Variants in ROBO2 observed in about 807,000 individuals in gnomAD.
The protein encoded by ROBO2 is roundabout guidance receptor 2, also known as roundabout homolog 2.
ROBO2 carries 53 observed loss-of-function variants against 160.8 expected under a neutral mutation model. The observed-to-expected ratio is 0.33, with a 90% CI of 0.26 to 0.41. The LOEUF is 0.41. Ranked by LOEUF, ROBO2 falls within the 10% of genes least tolerant of loss-of-function variation. ROBO2 has a pLI of 1.00. For synonymous variants in ROBO2, 664 were observed against 611.7 expected, an observed-to-expected ratio of 1.09 and a Z score of -1.26; for missense variants, 1,577 against 1,722.4, an observed-to-expected ratio of 0.92 and a Z score of 1.49.
At chr3:76,895,534 A>G (rs967626648) in intron 2 of ROBO2, among the ~76,000 whole-genome samples, 8 of 152,114 alleles carry the variant, frequency 5.3e-5, no homozygotes, top group African/African-American at 1.7e-4. Flanking sequence ...TGAAGTCTAT[A>G]TGATTAGAAC....
At chr3:76,783,601 T>C (rs367732536) in intron 2 of ROBO2, among the ~76,000 whole-genome samples, 1 of 150,722 alleles carries the variant, frequency 6.6e-6, no homozygotes, top group Admixed American at 6.6e-5. Context: ...ACTGATAGTC[T>C]TATGAAGATT....
intron 2 of ROBO2, among the ~76,000 whole-genome samples, chr3:76,571,963 T>C (rs2084984254): frequency 6.6e-6 from 1 of 152,162 alleles, no homozygotes; most frequent in Non-Finnish European, 1.5e-5. Flanking sequence ...ATATCATTGA[T>C]GTATTCTGAA....
chr3:77,042,901 G>C (rs2064237396), intron 1 of ROBO2, among the ~76,000 whole-genome samples: 1 of 152,176 alleles, frequency 6.6e-6, no homozygotes, highest in East Asian at 1.9e-4. Flanking sequence ...TGCCAAAATT[G>C]AGGAGTTGAC....
rs147517661 is a variant in ROBO2, at chr3:76,996,389, G to A, written c.110-101625G>A. Reference sequence around the variant, plus strand: ...ATTGTTTGAAGTCAGGTAGCTTGATGCCTCCAGCTTTGTTCTTTTGGCTTA... The same window carrying A: ...ATTGTTTGAAGTCAGGTAGCTTGATACCTCCAGCTTTGTTCTTTTGGCTTA... On this transcript the variant is annotated intron_variant, in intron 2 of 26. Transcript: ENST00000487694. 8.7e-3 allele frequency among the ~76,000 whole-genome samples: 1,324 copies of A among 152,244 alleles called. 20 individuals carry two copies. Among genetic ancestry groups the A allele is most frequent in the African/African-American group, 0.029 (1,218 of 41,538 alleles).
chr3:76,970,522 A>G (rs374996308), intron 2 of ROBO2, among the ~76,000 whole-genome samples: 1 of 152,148 alleles, frequency 6.6e-6, no homozygotes, highest in African/African-American at 2.4e-5. Context: ...CTAGGTGACA[A>G]GCATTTGCCG....
At chr3:77,622,499 T>G (rs1422716868) in intron 23 of ROBO2, 67 bp downstream of exon 24, 6 of 1,266,658 alleles carry the variant, frequency 4.7e-6, no homozygotes, top group Non-Finnish European at 6.8e-6. Flanking sequence ...AAAAGTCAAC[T>G]ACTTCCTTAT....
chr3:76,240,661 A>C (rs183628133), intron 2 of ROBO2, among the ~76,000 whole-genome samples: 49 of 152,214 alleles, frequency 3.2e-4, no homozygotes, highest in African/African-American at 1.2e-3. Context: ...AAAACAGTAA[A>C]TTTCCTGTGG....
chr3:76,194,583 C>T (rs369247231), intron 2 of ROBO2, among the ~76,000 whole-genome samples: 10 of 151,202 alleles, frequency 6.6e-5, no homozygotes, highest in Admixed American at 1.3e-4. Context: ...AAGTTAATAC[C>T]GGAAGGACTG....
At position 77,632,518 on chromosome 3, in the gene ROBO2, A is replaced by G; in HGVS notation, c.3761-2352A>G. On this transcript the variant is annotated intron_variant, in intron 23 of 25. Coordinates refer to ENST00000461745, the Ensembl canonical transcript of ROBO2. ...GGGCTCTGCATCTGATGAGGATCGT[A>G]ACTTTTCTAGTCATAGATCTAGTGT... 3.3e-6 allele frequency: 5 copies of G among 1,535,606 alleles called. No homozygotes were observed. In the South Asian group the frequency reaches 5.9e-5, roughly 18 times the overall value.
intron 2 of ROBO2, among the ~76,000 whole-genome samples, chr3:77,287,676 A>G (rs542066198): frequency 1.6e-4 from 24 of 152,310 alleles, no homozygotes; most frequent in Admixed American, 1.2e-3. Context: ...AGTTTCTCAT[A>G]GATTCTGTTG....
At chr3:76,889,247 A>G (rs2074154890) in intron 2 of ROBO2, among the ~76,000 whole-genome samples, 1 of 152,210 alleles carries the variant, frequency 6.6e-6, no homozygotes, top group African/African-American at 2.4e-5. Context: ...CTGATTTTTA[A>G]GTCTTGGCAT....
rs553778335 is a variant in ROBO2, at chr3:76,273,669, T to C, written c.109+336067T>C. On this transcript the variant is annotated intron_variant, in intron 2 of 26. Coordinates refer to the ROBO2 transcript ENST00000487694. ...ACTCACGATCATGAGAACTCACTCA[T>C]CATCATGAGAACTCACTCACCATCA... 3.3e-5 allele frequency among the ~76,000 whole-genome samples: 5 copies of C among 152,058 alleles called. No individual in the cohort carries two copies. In the South Asian group the frequency reaches 6.2e-4, roughly 19 times the overall value.
intron 5 of ROBO2, among the ~76,000 whole-genome samples, chr3:77,502,122 C>A (rs1403640175): frequency 6.6e-6 from 1 of 152,044 alleles, no homozygotes; most frequent in Non-Finnish European, 1.5e-5. Flanking sequence ...GGTAAATATG[C>A]CAACATCACT....
chr3:77,024,245 A>G (rs1449979406), intron 2 of ROBO2, among the ~76,000 whole-genome samples: 1 of 152,204 alleles, frequency 6.6e-6, no homozygotes, highest in African/African-American at 2.4e-5. Flanking sequence ...AAAAATGTTT[A>G]GAGGGAATCC....
At chr3:76,672,231 G>A (rs2092287860) in intron 2 of ROBO2, among the ~76,000 whole-genome samples, 1 of 151,920 alleles carries the variant, frequency 6.6e-6, no homozygotes, top group East Asian at 1.9e-4. Context: ...ATATCAAGCA[G>A]AAAAATGAAG....
intron 2 of ROBO2, among the ~76,000 whole-genome samples, chr3:76,048,431 G>A (rs1402798639): frequency 1.3e-5 from 2 of 152,126 alleles, no homozygotes; most frequent in African/African-American, 4.8e-5. Context: ...ATGTTTTAGA[G>A]TAGGAAACAG....
chr3:77,349,844 A>G (rs1369408751), intron 2 of ROBO2, among the ~76,000 whole-genome samples: 1 of 152,064 alleles, frequency 6.6e-6, no homozygotes, highest in Non-Finnish European at 1.5e-5. Flanking sequence ...ATCACAAAAC[A>G]GCCTTATGAT....
At chr3:76,775,498 T>A (rs2108545088) in intron 2 of ROBO2, among the ~76,000 whole-genome samples, 1 of 150,984 alleles carries the variant, frequency 6.6e-6, no homozygotes, top group Admixed American at 6.6e-5. Context: ...TAAAAATTAC[T>A]TTTATCTACT....
At chr3:77,517,445 C>G (rs547181454) in intron 5 of ROBO2, among the ~76,000 whole-genome samples, 10 of 151,410 alleles carry the variant, frequency 6.6e-5, no homozygotes, top group Admixed American at 5.9e-4. Context: ...CTTTAAACAC[C>G]GTAAATAAAT....
Sources: allele counts gnomAD v4.1 joint callset (sites outside exome capture counted in the v4.1 genomes callset), GRCh38; gene constraint gnomAD v4.1.1; transcripts MANE v1.5; gene names NCBI Gene and HGNC (gene_info 2026-07-23, HGNC 2026-07-21).